AP2B1: variants seen among roughly 807,000 people sequenced by gnomAD.
The protein encoded by AP2B1 is adaptor related protein complex 2 subunit beta 1, also known as AP-2 complex subunit beta.
In AP2B1, 23 loss-of-function variants were observed where a neutral mutation model predicts 102.0. The observed-to-expected ratio is 0.23, with a 90% CI of 0.16 to 0.32. AP2B1 has a LOEUF of 0.32. AP2B1 is among the 10% of genes least tolerant of loss of function. The probability of loss-of-function intolerance (pLI) is 1.00; values close to 1 mark genes in which losing one functional copy is unlikely to be tolerated. For synonymous variants in AP2B1, 381 were observed against 421.2 expected (o/e 0.90, Z 1.17); for missense variants, 541 against 1,157.4 (o/e 0.47, Z 7.73).
intron 5 of AP2B1, among the ~76,000 whole-genome samples, chr17:35,611,047 C>T (rs1037390698): frequency 1.3e-5 from 2 of 152,088 alleles, no homozygotes; most frequent in African/African-American, 4.8e-5. Flanking sequence ...TGCATTATAG[C>T]CTGAGTGACA....
intron 9 of AP2B1, among the ~76,000 whole-genome samples, chr17:35,630,978 G>C (rs1328762703): frequency 1.3e-5 from 2 of 152,212 alleles, no homozygotes; most frequent in African/African-American, 4.8e-5. Context: ...ATGATTGCCT[G>C]TTTGCACTAA....
chr17:35,706,383 G>A (rs760991060), intron 18 of AP2B1, among the ~76,000 whole-genome samples: 3 of 152,126 alleles, frequency 2.0e-5, no homozygotes. Flanking sequence ...TTGCTTATCC[G>A]GTTGATCTTC....
At chr17:35,650,930 T>C (rs2075071000) in intron 13 of AP2B1, 141 bp downstream of exon 13, 1 of 949,886 alleles carries the variant, frequency 1.1e-6, no homozygotes, top group Non-Finnish European at 1.6e-6. Flanking sequence ...AAAGAACTGC[T>C]GTACATTTTT....
At chr17:35,622,819 C>G (rs996218303) in intron 5 of AP2B1, among the ~76,000 whole-genome samples, 1 of 152,140 alleles carries the variant, frequency 6.6e-6, no homozygotes, top group Admixed American at 6.5e-5. Context: ...CACACACCAC[C>G]ATGCCCGGCT....
In AP2B1 at chr17:35,653,626, A is replaced by G. The variant is rs186122249; in HGVS notation, c.1796+2837A>G. 2.7e-3 allele frequency among the ~76,000 whole-genome samples: 411 copies of G among 152,258 alleles called. 1 individual carries two copies. Among genetic ancestry groups the G allele is most frequent in the African/African-American group, 8.9e-3 (371 of 41,540 alleles). ...GTAGCTGGGACTACAGATGTGTGCC[A>G]CCACACCCAGCTAATTTTTTTGTAC... is the stretch of plus-strand genomic sequence containing the variant. On this transcript the variant is annotated intron_variant, in intron 13 of 21. Transcript: ENST00000610402.
chr17:35,622,583 G>A (rs1308783677), intron 5 of AP2B1, among the ~76,000 whole-genome samples: 1 of 152,112 alleles, frequency 6.6e-6, no homozygotes, highest in Non-Finnish European at 1.5e-5. Flanking sequence ...ACTAACAATG[G>A]TTTTACATTT....
At chr17:35,654,364 G>GT (rs149703408) in intron 13 of AP2B1, among the ~76,000 whole-genome samples, 3,298 of 152,100 alleles carry the variant, frequency 0.022, 123 homozygotes, top group African/African-American at 0.075. Flanking sequence ...GTGCCCGCCT[G>GT]TTTTTTTGTT....
At chr17:35,662,530 TTG>T (rs1195993426) in intron 14 of AP2B1, among the ~76,000 whole-genome samples, 1,321 of 97,650 alleles carry the variant, frequency 0.014, 16 homozygotes, top group African/African-American at 0.042. Flanking sequence ...GGGTTTGGGT[TTG>T]TTTTTTTTTT....
chr17:35,672,509 T>A (rs376277031), intron 16 of AP2B1, among the ~76,000 whole-genome samples: 97 of 152,334 alleles, frequency 6.4e-4, no homozygotes, highest in African/African-American at 2.3e-3. Context: ...AGTCTTACCT[T>A]TCTGAGGACC....
intron 18 of AP2B1, among the ~76,000 whole-genome samples, chr17:35,695,096 T>C (rs2076116228): frequency 6.6e-6 from 1 of 152,162 alleles, no homozygotes; most frequent in South Asian, 2.1e-4. Context: ...TTTCGGCTTA[T>C]CTGTCAGGCA....
intron 17 of AP2B1, among the ~76,000 whole-genome samples, chr17:35,675,943 G>A (rs2075692044): frequency 6.6e-6 from 1 of 152,050 alleles, no homozygotes; most frequent in Non-Finnish European, 1.5e-5. Flanking sequence ...GTCCCAATAA[G>A]GTCCCATACA....
At chr17:35,696,057 CCT>C (rs1454470299) in intron 18 of AP2B1, among the ~76,000 whole-genome samples, 9 of 152,088 alleles carry the variant, frequency 5.9e-5, no homozygotes, top group African/African-American at 1.9e-4. Context: ...AAGGCAAAAT[CCT>C]ACCAAAGGTC....
At chr17:35,704,316 A>C (rs1467791663) in intron 18 of AP2B1, among the ~76,000 whole-genome samples, 1 of 152,188 alleles carries the variant, frequency 6.6e-6, no homozygotes, top group Non-Finnish European at 1.5e-5. Flanking sequence ...AAAAGAACCC[A>C]TACATCATCC....
intron 5 of AP2B1, among the ~76,000 whole-genome samples, chr17:35,622,967 C>T (rs914354037): frequency 2.0e-5 from 3 of 152,136 alleles, no homozygotes; most frequent in African/African-American, 7.2e-5. Context: ...GCCCAGCCAA[C>T]TTATACTTGG....
chr17:35,722,350 T>C (rs1336680392), intron 21 of AP2B1, among the ~76,000 whole-genome samples: 1 of 152,142 alleles, frequency 6.6e-6, no homozygotes, highest in East Asian at 1.9e-4. Context: ...AATAGCTATA[T>C]TCTTAAGTTA....
intron 18 of AP2B1, among the ~76,000 whole-genome samples, chr17:35,706,787 C>G (rs1469407045): frequency 6.6e-6 from 1 of 151,732 alleles, no homozygotes; most frequent in Non-Finnish European, 1.5e-5. Context: ...ATTACAGGTG[C>G]CCGCCACCAC....
chr17:35,648,272 T>C (rs1329698208), intron 12 of AP2B1, among the ~76,000 whole-genome samples: 1 of 152,066 alleles, frequency 6.6e-6, no homozygotes, highest in East Asian at 1.9e-4. Context: ...TCCTAGCACT[T>C]TGAGAGGCTG....
intron 18 of AP2B1, among the ~76,000 whole-genome samples, chr17:35,691,698 A>G (rs587695634): frequency 7.9e-5 from 12 of 152,370 alleles, no homozygotes; most frequent in African/African-American, 2.4e-4. Context: ...TGGATCTACT[A>G]TCCAAATGAT....
At chr17:35,668,043 T>A (rs1484824522) in intron 14 of AP2B1, among the ~76,000 whole-genome samples, 3 of 149,588 alleles carry the variant, frequency 2.0e-5, no homozygotes, top group Non-Finnish European at 4.4e-5. Context: ...GTTTAAGCAA[T>A]TCTCCTGTAT....
Sources: gnomAD v4.1 joint callset for allele counts (sites outside exome capture counted in the v4.1 genomes callset) on GRCh38, gnomAD v4.1.1 for gene constraint, MANE v1.5 for transcripts, NCBI Gene and HGNC (gene_info 2026-07-23, HGNC 2026-07-21) for gene names.